Variants in VWA8 observed in about 807,000 individuals in gnomAD.
VWA8 encodes von Willebrand factor A domain-containing protein 8.
VWA8 carries 221 observed loss-of-function variants against 241.5 expected under a neutral mutation model. The ratio of observed to expected loss-of-function variants is 0.91; its 90% CI spans 0.82 to 1.02. The LOEUF (loss-of-function observed/expected upper bound fraction) is 1.02, where lower values mean the gene tolerates loss of function less well. Ranked by LOEUF, VWA8 falls within the 50% of genes least tolerant of loss-of-function variation. The pLI is 0.00. For missense variants in VWA8, 2,322 were observed against 2,328.7 expected (o/e 1.00, Z 0.06); for synonymous variants, 852 against 827.1 (o/e 1.03, Z -0.52).
intron 9 of VWA8, among the ~76,000 whole-genome samples, chr13:41,870,716 A>G (rs539004567): frequency 6.6e-6 from 1 of 152,188 alleles, no homozygotes; most frequent in Admixed American, 6.5e-5. Flanking sequence ...GCTTAAATGT[A>G]TGTTTTCCCA....
intron 13 of VWA8, among the ~76,000 whole-genome samples, chr13:41,832,874 C>T (rs1002013263): frequency 6.7e-6 from 1 of 148,822 alleles, no homozygotes; most frequent in African/African-American, 2.6e-5. Context: ...ACAAAGTGAG[C>T]TTTTTTAGTC....
At chr13:41,832,355 T>C (rs1871509514) in intron 13 of VWA8, among the ~76,000 whole-genome samples, 1 of 152,232 alleles carries the variant, frequency 6.6e-6, no homozygotes, top group African/African-American at 2.4e-5. Flanking sequence ...CTATTATTAC[T>C]ACTTGCAAAC....
rs373288508 is a variant in VWA8, at chr13:41,883,494, A to G, written c.976-3T>C. The G allele has an allele frequency of 5.0e-6, 8 of 1,604,382 alleles. No homozygotes were observed. In the South Asian group the frequency reaches 6.6e-5, roughly 13 times the overall value. ...ATTGGCATCATAGGAAAGGAATCCT[A>G]TGTAGGAGCAAAAATACATAGGAAT... On this transcript the variant is annotated splice_polypyrimidine_tract_variant and splice_region_variant and intron_variant, in intron 8 of 44. Coordinates refer to ENST00000379310, the MANE Select transcript of VWA8 (RefSeq NM_015058.2).
At chr13:41,953,452 T>C (rs944343718) in intron 1 of VWA8, among the ~76,000 whole-genome samples, 2 of 152,224 alleles carry the variant, frequency 1.3e-5, no homozygotes, top group African/African-American at 2.4e-5. Flanking sequence ...CCTTTTTAAA[T>C]GCACATGGAA....
intron 1 of VWA8, among the ~76,000 whole-genome samples, chr13:41,954,688 T>C (rs1386469602): frequency 2.0e-5 from 3 of 152,246 alleles, no homozygotes; most frequent in Non-Finnish European, 4.4e-5. Flanking sequence ...AAAATAGAGA[T>C]AGGATATTCT....
intron 42 of VWA8, among the ~76,000 whole-genome samples, chr13:41,582,496 C>T (rs1029138038): frequency 2.1e-4 from 32 of 152,282 alleles, no homozygotes; most frequent in South Asian, 1.2e-3. Context: ...TAAGAACTGT[C>T]TGGAACTGGG....
At chr13:41,948,102 C>T (rs1358411683) in intron 2 of VWA8, among the ~76,000 whole-genome samples, 1 of 151,936 alleles carries the variant, frequency 6.6e-6, no homozygotes, top group Non-Finnish European at 1.5e-5. Context: ...GCAATATTCA[C>T]AATAGTCCGA....
At chr13:41,921,092 T>A (rs935834865) in intron 2 of VWA8, among the ~76,000 whole-genome samples, 2 of 152,186 alleles carry the variant, frequency 1.3e-5, no homozygotes, top group African/African-American at 2.4e-5. Context: ...TCCGCCATGA[T>A]CAAGTTGGTT....
At chr13:41,577,578 C>T (rs948514494) in intron 42 of VWA8, among the ~76,000 whole-genome samples, 1 of 152,182 alleles carries the variant, frequency 6.6e-6, no homozygotes, top group Non-Finnish European at 1.5e-5. Flanking sequence ...TGGAAGCACA[C>T]TCCAGGGAGG....
intron 4 of VWA8, among the ~76,000 whole-genome samples, chr13:41,893,462 TAAA>T (rs36122223): frequency 7.6e-6 from 1 of 131,934 alleles, no homozygotes; most frequent in Non-Finnish European, 1.6e-5. Context: ...AAGCTTTATT[TAAA>T]AAAAAAAAAA....
At chr13:41,775,834 T>G (rs930133815) in intron 20 of VWA8, among the ~76,000 whole-genome samples, 2 of 152,194 alleles carry the variant, frequency 1.3e-5, no homozygotes, top group Non-Finnish European at 2.9e-5. Context: ...TCTGTTCTAC[T>G]TCACCCTTCA....
chr13:41,636,638 A>C (rs2044759094), intron 37 of VWA8, among the ~76,000 whole-genome samples: 1 of 152,218 alleles, frequency 6.6e-6, no homozygotes, highest in East Asian at 1.9e-4. Context: ...GGCAACCTAT[A>C]GAATGGGAGA....
chr13:41,739,358 G>A (rs949841863), intron 21 of VWA8, among the ~76,000 whole-genome samples: 3 of 152,148 alleles, frequency 2.0e-5, no homozygotes, highest in Non-Finnish European at 4.4e-5. Flanking sequence ...TACCAGGGGA[G>A]TCACGCTCTC....
In VWA8 at chr13:41,729,788, T is replaced by G. The variant is rs902028057; in HGVS notation, c.2503-111A>C. 2.5e-5 allele frequency: 20 copies of G among 811,160 alleles called. 1 individual carries two copies. Among genetic ancestry groups the G allele is most frequent in the Non-Finnish European group, 3.7e-5 (19 of 520,162 alleles). 50.2% of individuals were successfully genotyped at this position (811,160 alleles called of 1,614,324 possible). Reference sequence around the variant, plus strand: ...CAGCTGGCTTTATTTAAGTTACAAGTATACACGTAGACACACACACACACA... The same window carrying G: ...CAGCTGGCTTTATTTAAGTTACAAGGATACACGTAGACACACACACACACA... On this transcript the variant is annotated intron_variant, in intron 22 of 44. Transcript: ENST00000379310.
intron 26 of VWA8, among the ~76,000 whole-genome samples, chr13:41,711,643 G>A (rs1358638022): frequency 6.6e-6 from 1 of 152,190 alleles, no homozygotes; most frequent in Non-Finnish European, 1.5e-5. Flanking sequence ...GGGAGGCCAA[G>A]GCGGGCAGAT....
rs537031892 is a variant in VWA8, at chr13:41,630,902, T to A, written c.4612-15818A>T. On this transcript the variant is annotated intron_variant, in intron 37 of 44. Transcript: ENST00000379310. ...CAGTAACAGGAAACTAAGAATTTAA[T>A]CTGCATACAATCTTTTCCACAGTAA... 8.7e-4 allele frequency among the ~76,000 whole-genome samples: 132 copies of A among 152,194 alleles called. 1 individual carries two copies. The highest frequency in any genetic ancestry group is 2.6e-4 in the Non-Finnish European group (18 of 68,036).
chr13:41,739,599 C>CA lies in VWA8; in HGVS notation c.2427-7445dup, dbSNP rs1007747301. Among the ~76,000 whole-genome samples the CA allele has an allele frequency of 1.3e-4, 20 of 151,984 alleles. No individual in the cohort carries two copies. In the East Asian group the frequency reaches 2.7e-3, roughly 21 times the overall value. ...TCAGACTTTAACCACCCAGGTCAAA[C>CA]AAAAAATAGTATACAAATAAGCACT... is the stretch of plus-strand genomic sequence containing the variant. On this transcript the variant is annotated intron_variant, in intron 21 of 44. Transcript: ENST00000379310.
At chr13:41,676,986 T>C (rs1021803943) in intron 35 of VWA8, among the ~76,000 whole-genome samples, 3 of 152,222 alleles carry the variant, frequency 2.0e-5, no homozygotes, top group African/African-American at 7.2e-5. Flanking sequence ...AAAATGTACA[T>C]AAATATCTTT....
intron 17 of VWA8, among the ~76,000 whole-genome samples, chr13:41,802,958 G>A (rs778685720): frequency 1.3e-5 from 2 of 152,246 alleles, no homozygotes; most frequent in Non-Finnish European, 2.9e-5. Context: ...AGACAGCTGA[G>A]CATGGAGAGA....
Sources: allele counts gnomAD v4.1 joint callset (sites outside exome capture counted in the v4.1 genomes callset), GRCh38; gene constraint gnomAD v4.1.1; transcripts MANE v1.5; gene names NCBI Gene and HGNC (gene_info 2026-07-23, HGNC 2026-07-21).